The following FGF13 variants were observed in gnomAD, a reference collection of about 807,000 sequenced individuals.
FGF13 encodes fibroblast growth factor homologous factor 2.
A neutral mutation model predicts 19.5 loss-of-function variants in FGF13; 2 were observed. The ratio of observed to expected loss-of-function variants is 0.10; its 90% CI spans 0.04 to 0.32. FGF13 has a LOEUF of 0.32. Among genes scored for constraint, FGF13 ranks in the 10% least tolerant of loss-of-function variants. The pLI is 1.00. For synonymous variants in FGF13, 72 were observed against 76.9 expected (o/e 0.94, Z 0.33); for missense variants, 113 against 192.7 (o/e 0.59, Z 2.45).
intron 3 of FGF13, among the ~76,000 whole-genome samples, chrX:138,772,016 G>GTATATA (rs2090548554): frequency 2.9e-5 from 1 of 34,978 alleles, no homozygotes; most frequent in African/African-American, 1.1e-4. Flanking sequence ...AGATACATAT[G>GTATATA]TGTATATATA....
intron 1 of FGF13, among the ~76,000 whole-genome samples, chrX:138,911,294 C>T (rs1051687503): frequency 9.0e-6 from 1 of 111,224 alleles, no homozygotes; most frequent in Non-Finnish European, 1.9e-5. Context: ...CAAAGTCTAT[C>T]TCATCATGTC....
At chrX:139,155,926 C>T (rs1465421238) in intron 1 of FGF13, among the ~76,000 whole-genome samples, 1 of 112,030 alleles carries the variant, frequency 8.9e-6, no homozygotes, top group African/African-American at 3.2e-5. Context: ...TTGCTAATGG[C>T]CACCTCCTGG....
At chrX:138,864,101 C>G (rs980296348) in intron 2 of FGF13, among the ~76,000 whole-genome samples, 1 of 112,065 alleles carries the variant, frequency 8.9e-6, no homozygotes, top group Non-Finnish European at 1.9e-5. Flanking sequence ...TCCCCCCAAT[C>G]CCCGCCCTGA....
chrX:138,915,402 A>T (rs913282197), intron 1 of FGF13, among the ~76,000 whole-genome samples: 2 of 111,831 alleles, frequency 1.8e-5, no homozygotes, highest in Non-Finnish European at 3.8e-5. Context: ...CATTCTTGCT[A>T]ACTGCTTGCT....
intron 3 of FGF13, among the ~76,000 whole-genome samples, chrX:138,655,245 A>G (rs2089424299): frequency 8.9e-6 from 1 of 111,878 alleles, no homozygotes; most frequent in Non-Finnish European, 1.9e-5. Flanking sequence ...GGAAACCCTG[A>G]GTATCCACTG....
At chrX:139,170,343 T>C (rs2084121639) in intron 1 of FGF13, among the ~76,000 whole-genome samples, 1 of 111,432 alleles carries the variant, frequency 9.0e-6, no homozygotes, top group Non-Finnish European at 1.9e-5. Flanking sequence ...CACATCACAA[T>C]TGTTTCCTGC....
intron 1 of FGF13, among the ~76,000 whole-genome samples, chrX:138,710,246 A>T (rs2090029867): frequency 9.9e-6 from 1 of 100,869 alleles, no homozygotes; most frequent in Non-Finnish European, 2.0e-5. Flanking sequence ...GGTTCTAGAA[A>T]TCCCCCCTCC....
At chrX:139,081,335 A>G (rs758058175) in intron 1 of FGF13, among the ~76,000 whole-genome samples, 1 of 111,696 alleles carries the variant, frequency 9.0e-6, no homozygotes, top group Non-Finnish European at 1.9e-5. Flanking sequence ...TTTTATATCT[A>G]TACCCATCAG....
chrX:139,203,420 G>GCACGCCGCT (rs989139431), exon 1 of FGF13: 2 of 106,809 alleles, frequency 1.9e-5, no homozygotes, highest in Non-Finnish European at 3.9e-5. Flanking sequence ...GCTCACCTTT[G>GCACGCCGCT]CACGCGGCGT....
At position 139,119,355 on chromosome X, in the gene FGF13, C is replaced by T. The variant is rs1444606571; in HGVS notation, c.-113+84061G>A. 2.7e-5 allele frequency among the ~76,000 whole-genome samples: 3 copies of T among 112,348 alleles called. No individual in the cohort carries two copies. In the Admixed American group the frequency reaches 2.8e-4, roughly 11 times the overall value. On this transcript the variant is annotated intron_variant, in intron 1 of 2. Coordinates refer to the FGF13 transcript ENST00000421460. The stretch of plus-strand genomic sequence containing the variant: ...AGTAGTAATTCGTGAATAACATCTT[C>T]ATTTACTGAGTACTAACCATGTGCC...
chrX:138,656,839 T>G (rs774177805), intron 3 of FGF13, among the ~76,000 whole-genome samples: 1 of 111,316 alleles, frequency 9.0e-6, no homozygotes, highest in Admixed American at 9.6e-5. Flanking sequence ...AGACACAATG[T>G]CCAAAAAACA....
At chrX:138,783,683 G>A (rs1163989176) in intron 3 of FGF13, among the ~76,000 whole-genome samples, 17 of 102,738 alleles carry the variant, frequency 1.7e-4, no homozygotes, top group Non-Finnish European at 3.4e-4. Context: ...TGGAGAGGAT[G>A]TGGAGAAATA....
At chrX:139,025,040 C>A (rs1357484686) in intron 1 of FGF13, among the ~76,000 whole-genome samples, 1 of 110,815 alleles carries the variant, frequency 9.0e-6, no homozygotes, top group Non-Finnish European at 1.9e-5. Flanking sequence ...CTAATAAATG[C>A]CTCCTATCTT....
intron 3 of FGF13, among the ~76,000 whole-genome samples, chrX:138,686,180 T>C (rs1602699613): frequency 9.0e-6 from 1 of 111,680 alleles, no homozygotes; most frequent in East Asian, 2.8e-4. Flanking sequence ...CATCAGCTTT[T>C]CCCTAATGCT....
chrX:139,193,065 A>C (rs1299480287), intron 1 of FGF13, among the ~76,000 whole-genome samples: 1 of 111,550 alleles, frequency 9.0e-6, no homozygotes, highest in Non-Finnish European at 1.9e-5. Context: ...CATGCATTAA[A>C]ATAACTGAAA....
chrX:139,035,279 T>G (rs1291704429), intron 1 of FGF13, among the ~76,000 whole-genome samples: 1 of 111,476 alleles, frequency 9.0e-6, no homozygotes, highest in Non-Finnish European at 1.9e-5. Context: ...GGCTTGATTT[T>G]GAGTTTTCCA....
intron 3 of FGF13, among the ~76,000 whole-genome samples, chrX:138,678,692 T>C (rs1434020308): frequency 1.8e-5 from 2 of 112,158 alleles, no homozygotes; most frequent in Admixed American, 1.9e-4. Context: ...CTTGAATGAA[T>C]GTAGTGTTTC....
At chrX:138,894,353 A>G (rs1197043815) in intron 1 of FGF13, among the ~76,000 whole-genome samples, 1 of 110,924 alleles carries the variant, frequency 9.0e-6, no homozygotes, top group Non-Finnish European at 1.9e-5. Context: ...CTTCAAAAAA[A>G]ATCAATGAAT....
intron 1 of FGF13, among the ~76,000 whole-genome samples, chrX:139,139,412 A>G (rs1569457021): frequency 8.9e-6 from 1 of 112,042 alleles, no homozygotes; most frequent in Non-Finnish European, 1.9e-5. Context: ...CAGATCACTC[A>G]AAGTCCAACA....
Sources: allele counts gnomAD v4.1 joint callset (sites outside exome capture counted in the v4.1 genomes callset), GRCh38; gene constraint gnomAD v4.1.1; transcripts MANE v1.5; gene names NCBI Gene and HGNC (gene_info 2026-07-23, HGNC 2026-07-21).